USP24: variants seen among roughly 807,000 people sequenced by gnomAD.
USP24 encodes ubiquitin carboxyl-terminal hydrolase 24.
Under a neutral mutation model 361.6 loss-of-function variants are expected in USP24, and 97 were observed. The observed-to-expected ratio is 0.27, with a 90% confidence interval of 0.23 to 0.32. USP24 has a LOEUF of 0.32. Among genes scored for constraint, USP24 ranks in the 10% least tolerant of loss-of-function variants. The pLI, the probability that USP24 is intolerant of heterozygous loss-of-function variation, is 1.00. For synonymous variants in USP24, 1,098 were observed against 1,124.6 expected (o/e 0.98, Z 0.47); for missense variants, 2,353 against 3,165.6 (o/e 0.74, Z 6.16).
intron 15 of USP24, 78 bp from the exon 16 acceptor site, chr1:55,153,995 G>A (rs1647363586): frequency 6.5e-7 from 1 of 1,548,692 alleles, no homozygotes; most frequent in Non-Finnish European, 8.7e-7. Flanking sequence ...GGACTTTAAG[G>A]TAAGAGCTTC....
At chr1:55,130,066 G>C (rs1646548081) in intron 31 of USP24, among the ~76,000 whole-genome samples, 1 of 152,182 alleles carries the variant, frequency 6.6e-6, no homozygotes, top group Non-Finnish European at 1.5e-5. Flanking sequence ...TAGGTTAAGT[G>C]ACTGCCCACC....
chr1:55,117,038 C>T (rs370341629), intron 38 of USP24, among the ~76,000 whole-genome samples: 17 of 152,192 alleles, frequency 1.1e-4, no homozygotes, highest in East Asian at 5.8e-4. Flanking sequence ...GTCCATGGTA[C>T]GAAAATCTAT....
At chr1:55,166,442 C>T (rs1230522981) in intron 6 of USP24, 126 bp downstream of exon 6, 1 of 894,352 alleles carries the variant, frequency 1.1e-6, no homozygotes, top group Non-Finnish European at 1.7e-6. Context: ...AATATGAAAT[C>T]CACTCCTTAA....
At position 55,071,525 on chromosome 1, in the gene USP24, G is replaced by A. The variant is rs17111568; in HGVS notation, c.7800+289C>T. On this transcript the variant is annotated intron_variant, in intron 67 of 67. Transcript: ENST00000294383. ...CAGAATAAAGTGAACAAGCTGGAACGAATCCCCCTGTGCCCTGGCTTCATC... is the reference window on the plus strand; with the variant it reads ...CAGAATAAAGTGAACAAGCTGGAACAAATCCCCCTGTGCCCTGGCTTCATC... 9,634 of 1,182,754 alleles carry A rather than the reference G, an allele frequency of 8.1e-3. 552 individuals carry two copies. In the African/African-American group the frequency reaches 0.13, roughly 16 times the overall value. The allele number at this position is 1,182,754 out of a possible 1,614,324, so 73.3% of individuals were successfully genotyped here. A position where few individuals can be genotyped will look rare whatever the true frequency, so the allele number is the denominator to read the frequency against.
At chr1:55,136,234 C>T (rs933433860) in intron 28 of USP24, among the ~76,000 whole-genome samples, 1 of 152,100 alleles carries the variant, frequency 6.6e-6, no homozygotes, top group African/African-American at 2.4e-5. Context: ...CAGGAAAGAA[C>T]AGTTTAGGCA....
rs1299174871 is a variant in USP24, at chr1:55,171,574, A to C, written c.807T>G (p.Pro269=). 6.2e-7 allele frequency: 1 copy of C among 1,610,898 alleles called. No individual in the cohort carries two copies. Among genetic ancestry groups the C allele is most frequent in the Non-Finnish European group, 8.5e-7 (1 of 1,178,382 alleles). Residue 269 remains proline, a synonymous_variant, in exon 5 of 68, where the codon CCT becomes CCG. Coordinates refer to ENST00000294383, the MANE Select transcript of USP24 (RefSeq NM_015306.3). ...TGTTTACCTTTTGGAAAGTCGATACAGGTGAAACAGCAAACATATTTCCCT... is the reference window on the plus strand; with the variant it reads ...TGTTTACCTTTTGGAAAGTCGATACCGGTGAAACAGCAAACATATTTCCCT... The part of the protein sequence containing the change: ...FGEGNMFAVS[P]VSTFQKEPHG...
intron 54 of USP24, among the ~76,000 whole-genome samples, 162 bp downstream of exon 54, chr1:55,091,861 T>G (rs1209602832): frequency 6.6e-6 from 1 of 152,202 alleles, no homozygotes; most frequent in Admixed American, 6.5e-5. Flanking sequence ...TGAGCTATTC[T>G]TTCCATTAGG....
At position 55,067,321 on chromosome 1, in the gene USP24, T is replaced by C. The variant is rs1258455027; in HGVS notation, c.*1724A>G. 1 of 152,196 alleles carries C rather than the reference T, an allele frequency of 6.6e-6. No individual in the cohort carries two copies. The highest frequency in any genetic ancestry group is 1.5e-5 in the Non-Finnish European group (1 of 68,026). 9.4% of individuals were successfully genotyped at this position (152,196 alleles called of 1,614,324 possible). A position where few individuals can be genotyped will look rare whatever the true frequency, so the allele number is the denominator to read the frequency against. On this transcript the variant is annotated 3_prime_UTR_variant, in exon 68 of 68. Transcript: ENST00000294383. ...AGTAGGACAGGAAGTATTCACGTAC[T>C]CAAAACCAATGGTAGAACATCACAT...
intron 39 of USP24, among the ~76,000 whole-genome samples, chr1:55,108,971 A>G (rs1645870915): frequency 6.6e-6 from 1 of 152,182 alleles, no homozygotes; most frequent in Non-Finnish European, 1.5e-5. Flanking sequence ...TGCATTGCTC[A>G]GAGCAATGTG....
chr1:55,095,123 T>C (rs503495), intron 51 of USP24, 132 bp downstream of exon 51: 898,249 of 1,139,710 alleles, frequency 0.79, 358,246 homozygotes, highest in East Asian at 0.95. Context: ...GGATTTATTT[T>C]CTTTTTGGAA....
chr1:55,077,643 C>T lies in USP24; in HGVS notation c.7315-343G>A, dbSNP rs573702536. Among the ~76,000 whole-genome samples, 6 of 152,250 alleles carry T rather than the reference C, an allele frequency of 3.9e-5. No homozygotes were observed. The South Asian group carries it at 1.2e-3, about 32-fold the overall frequency. On this transcript the variant is annotated intron_variant, in intron 61 of 67. Coordinates refer to ENST00000294383, the MANE Select transcript of USP24 (RefSeq NM_015306.3). ...AGATGCTGGTAGAGCTACAAGAATA[C>T]AAATGGGAATACTCTGAGTTAAGGA...
At chr1:55,174,000 G>A (rs1286061373) in intron 3 of USP24, among the ~76,000 whole-genome samples, 1 of 152,160 alleles carries the variant, frequency 6.6e-6, no homozygotes, top group East Asian at 1.9e-4. Context: ...ATAGGGAAAG[G>A]CAGGCAGTAC....
In USP24 at chr1:55,107,288, G is replaced by A; in HGVS notation, c.4713C>T (p.Arg1571=). The A allele has an allele frequency of 6.2e-7, 1 of 1,613,878 alleles. No individual in the cohort carries two copies. Among genetic ancestry groups the A allele is most frequent in the East Asian group, 2.2e-5 (1 of 44,872 alleles). The change falls in exon 40 of 68, where the codon CGC becomes CGT. Residue 1571 remains arginine (R), a synonymous_variant. Coordinates refer to ENST00000294383, the MANE Select transcript of USP24 (RefSeq NM_015306.3). ...AGAGTGAAAGAAGGGTCTTGATGAG[G>A]CGTAAGTGCCCTGCCAGTAAGATGT... ...ADNILLAGHL[R]LIKTLLSLCG... is the part of the protein sequence containing the mutation.
chr1:55,070,702 T>TTGAC (rs768109130), intron 67 of USP24, among the ~76,000 whole-genome samples: 58 of 143,606 alleles, frequency 4.0e-4, no homozygotes, highest in Admixed American at 2.0e-4. Flanking sequence ...AAGAGAGGCT[T>TTGAC]TGACAGGGCA....
In USP24 at chr1:55,066,372, A is replaced by AATT. The variant is rs549017826; in HGVS notation, c.*2670_*2672dup. ...CAAGACTCCAACTCTGTTTTTGAAA[A>AATT]ATTTATTTTATACTCTTAGAAGCTA... is the stretch of plus-strand genomic sequence containing the variant. On this transcript the variant is annotated 3_prime_UTR_variant, in exon 68 of 68. Coordinates refer to ENST00000294383, the MANE Select transcript of USP24 (RefSeq NM_015306.3). The AATT allele has an allele frequency of 1.1e-3, 162 of 152,278 alleles. 1 individual carries two copies. Among genetic ancestry groups the AATT allele is most frequent in the African/African-American group, 3.6e-3 (151 of 41,550 alleles). The allele number at this position is 152,278 out of a possible 1,614,324, so 9.4% of individuals were successfully genotyped here. A position where few individuals can be genotyped will look rare whatever the true frequency, so the allele number is the denominator to read the frequency against.
chr1:55,159,074 T>A, intron 9 of USP24, 38 bp from the exon 10 acceptor site: 1 of 1,400,704 alleles, frequency 7.1e-7, no homozygotes, highest in Non-Finnish European at 9.4e-7. Flanking sequence ...AAAAAGGAAC[T>A]GTAAAAACAT....
In USP24 at chr1:55,106,200, T is replaced by C. The variant is rs753203576; in HGVS notation, c.4826A>G (p.Asn1609Ser). The C allele has an allele frequency of 6.2e-7, 1 of 1,614,004 alleles. No individual in the cohort carries two copies. Among genetic ancestry groups the C allele is most frequent in the Non-Finnish European group, 8.5e-7 (1 of 1,179,872 alleles). ...FLFRASRIIL[N>S]SHSPAGSAAI... ...GGCACTGCCAGCTGGAGAATGACTA[T>C]TTAAAATAATTCTAGAAGCTCGGAA... The change falls in exon 41 of 68, where the codon AAT becomes AGT. Residue 1609 changes from asparagine (N) to serine (S), a missense_variant. Physicochemically the swap from Asn to Ser is conservative, Grantham distance 46 (BLOSUM62 1). Around this residue, in one of 8 missense-constraint regions of USP24, gnomAD observed 949 missense variants for 1,280.5 expected, o/e 0.74. Coordinates refer to ENST00000294383, the MANE Select transcript of USP24 (RefSeq NM_015306.3).
intron 1 of USP24, among the ~76,000 whole-genome samples, chr1:55,184,629 C>T (rs1644075677): frequency 6.6e-6 from 1 of 152,098 alleles, no homozygotes; most frequent in African/African-American, 2.4e-5. Flanking sequence ...CAGTAAAATA[C>T]AGATTCTCCT....
chr1:55,164,451 A>G (rs1489561087), intron 7 of USP24, among the ~76,000 whole-genome samples: 1 of 151,954 alleles, frequency 6.6e-6, no homozygotes, highest in African/African-American at 2.4e-5. Context: ...TTGTACTCAG[A>G]CTTAATATTA....
Sources: allele counts gnomAD v4.1 joint callset (sites outside exome capture counted in the v4.1 genomes callset), GRCh38; gene constraint gnomAD v4.1.1; regional missense constraint gnomAD v4.1.1; transcripts MANE v1.5; gene names NCBI Gene and HGNC (gene_info 2026-07-23, HGNC 2026-07-21).